The following FRY variants were observed in gnomAD, a reference collection of about 807,000 sequenced individuals.
FRY encodes the protein protein furry homolog.
Under a neutral mutation model 348.4 loss-of-function variants are expected in FRY, and 128 were observed. The ratio of observed to expected loss-of-function variants is 0.37; its 90% CI spans 0.32 to 0.43. The LOEUF is 0.43. Ranked by LOEUF, FRY falls within the 20% of genes least tolerant of loss-of-function variation. The pLI is 1.00. For missense variants in FRY, 2,736 were observed against 3,695.2 expected (o/e 0.74, Z 6.73); for synonymous variants, 1,370 against 1,374.7 (o/e 1.00, Z 0.08).
At position 32,129,794 on chromosome 13, in the gene FRY, C is replaced by G. The variant is rs115242918; in HGVS notation, c.717-1878C>G. Among the ~76,000 whole-genome samples, 775 of 152,222 alleles carry G rather than the reference C, an allele frequency of 5.1e-3. 3 individuals are homozygous for G. The highest frequency in any genetic ancestry group is 0.018 in the African/African-American group (731 of 41,530). On this transcript the variant is annotated intron_variant, in intron 7 of 60. Transcript: ENST00000542859. ...GAGGAAAATCCATAAGGCAGTTAAA[C>G]AAAGTATTATAAAATGGACACCATG...
At chr13:32,278,084 A>G (rs1284919670) in intron 57 of FRY, among the ~76,000 whole-genome samples, 1 of 152,246 alleles carries the variant, frequency 6.6e-6, no homozygotes, top group African/African-American at 2.4e-5. Context: ...AAGTCAGGTC[A>G]TGTTGACCAG....
At chr13:32,252,888 G>A (rs1347277124) in intron 50 of FRY, among the ~76,000 whole-genome samples, 6 of 151,982 alleles carry the variant, frequency 3.9e-5, no homozygotes, top group Non-Finnish European at 8.8e-5. Flanking sequence ...GGTTTTCTGC[G>A]GCTCCTGTGA....
intron 11 of FRY, among the ~76,000 whole-genome samples, chr13:32,141,699 G>C (rs180990434): frequency 6.6e-6 from 1 of 152,294 alleles, no homozygotes; most frequent in Admixed American, 6.5e-5. Flanking sequence ...ACCACTGATT[G>C]CATCACCAGC....
In FRY at chr13:32,227,751, G is replaced by T. The variant is rs911771386; in HGVS notation, c.5207-705G>T. On this transcript the variant is annotated intron_variant, in intron 39 of 60. Coordinates refer to ENST00000542859, the MANE Select transcript of FRY (RefSeq NM_023037.3). ...CTCAAACAGGGTATCATTTCACATG[G>T]TTTTTTTTTTTTTTTTTTGAGACAG... is the stretch of plus-strand genomic sequence containing the variant. Among the ~76,000 whole-genome samples the T allele has an allele frequency of 4.7e-4, 64 of 135,858 alleles. 1 individual carries two copies. The highest frequency in any genetic ancestry group is 8.3e-4 in the Non-Finnish European group (52 of 62,542). 89.1% of individuals were successfully genotyped at this position (135,858 alleles called of 152,430 possible). A position where few individuals can be genotyped will look rare whatever the true frequency, so the allele number is the denominator to read the frequency against.
chr13:32,064,865 C>A (rs1160402855), intron 1 of FRY, among the ~76,000 whole-genome samples: 1 of 152,156 alleles, frequency 6.6e-6, no homozygotes, highest in East Asian at 1.9e-4. Flanking sequence ...CACTCATAGT[C>A]TTTTGAAGCG....
rs910329437 is a variant in FRY at position 32,286,050 on chromosome 13, C to A, written c.8470-3583C>A. ...ACATAATATAATATGCATCAATGTG[C>A]CAACCCCACATGATAAGCAAGTGAT... is the stretch of plus-strand genomic sequence containing the variant. On this transcript the variant is annotated intron_variant, in intron 58 of 60. Transcript: ENST00000542859. 2.0e-5 allele frequency among the ~76,000 whole-genome samples: 3 copies of A among 152,142 alleles called. No homozygotes were observed. The South Asian group carries it at 6.2e-4, about 31-fold the overall frequency.
At chr13:32,218,676 T>TAAA (rs1885137724) in intron 35 of FRY, 73 bp from the exon 36 acceptor site, 4 of 571,564 alleles carry the variant, frequency 7.0e-6, no homozygotes, top group Admixed American at 2.6e-5. Flanking sequence ...AGACTCCAAC[T>TAAA]CAAAAAAAAA....
At chr13:32,171,375 G>T (rs1292174755) in intron 18 of FRY, 105 bp downstream of exon 18, 3 of 941,406 alleles carry the variant, frequency 3.2e-6, no homozygotes, top group Non-Finnish European at 3.1e-6. Flanking sequence ...GCAGTGGCGC[G>T]ATCTTGACTC....
At chr13:32,086,624 C>T (rs548677274) in intron 2 of FRY, among the ~76,000 whole-genome samples, 20 of 151,974 alleles carry the variant, frequency 1.3e-4, no homozygotes, top group Non-Finnish European at 4.4e-5. Context: ...AAAATGTCAT[C>T]GGGAAGAAGA....
rs1412424046 is a variant in FRY at position 32,218,974 on chromosome 13, CA to C, written c.4765+144del. The C allele has an allele frequency of 2.9e-5, 18 of 629,958 alleles. No homozygotes were observed. The Admixed American group carries it at 2.9e-4, about 10-fold the overall frequency. The allele number at this position is 629,958 out of a possible 1,614,324, so 39.0% of individuals were successfully genotyped here. A position where few individuals can be genotyped will look rare whatever the true frequency, so the allele number is the denominator to read the frequency against. On this transcript the variant is annotated intron_variant, in intron 36 of 60. Coordinates refer to ENST00000542859, the MANE Select transcript of FRY (RefSeq NM_023037.3). ...CATTTAATCCACCTATGCAGATGAG[CA>C]TAGAGTCAGCATCCTCAAAAGTTAA...
rs1385996546 is a variant in FRY, at chr13:32,209,475, CCTT to C, written c.4276-106_4276-104del. ...TTTCTGATAAATGGTCATGTTTACC[CCTT>C]CTTATGATTTTGAGACGGTCATGAC... On this transcript the variant is annotated intron_variant, in intron 32 of 60. Coordinates refer to ENST00000542859, the MANE Select transcript of FRY (RefSeq NM_023037.3). The C allele has an allele frequency of 9.0e-6, 9 of 997,842 alleles. 1 individual carries two copies. The South Asian group carries it at 1.2e-4, about 13-fold the overall frequency. 61.8% of individuals were successfully genotyped at this position (997,842 alleles called of 1,614,324 possible).
Position 32,231,273 on chromosome 13 carries a change from G to T in FRY, c.5500G>T (p.Val1834Leu). Residue 1834 changes from valine (V) to leucine (L), a missense_variant, in exon 41 of 61, where the codon GTA (valine) becomes TTA (leucine). Val to Leu is a conservative substitution (Grantham distance 32). Transcript: ENST00000542859. ...EQLTNFLRHV[V>L]SVFKDSKSGF... is the part of the protein sequence containing the mutation. ...GCTCACTAATTTTCTACGTCACGTT[G>T]TATCTGTATTTAAAGATTCCAAATC... The T allele has an allele frequency of 1.2e-6, 2 of 1,613,514 alleles. No homozygotes were observed. The highest frequency in any genetic ancestry group is 1.7e-6 in the Non-Finnish European group (2 of 1,179,506).
In FRY at chr13:32,054,328, G is replaced by C. The variant is rs1225846301; in HGVS notation, c.70+22463G>C. Reference sequence around the variant, plus strand: ...CTTTGTTGTTATTAATTGTATAAATGCTTTTTAGAATTTATGCATTTATCA... The same window carrying C: ...CTTTGTTGTTATTAATTGTATAAATCCTTTTTAGAATTTATGCATTTATCA... On this transcript the variant is annotated intron_variant, in intron 1 of 60. Transcript: ENST00000542859. Among the ~76,000 whole-genome samples the C allele has an allele frequency of 6.6e-5, 10 of 151,606 alleles. No individual in the cohort carries two copies. In the East Asian group the frequency reaches 1.9e-3, roughly 29 times the overall value.
At chr13:32,150,128 T>C (rs781042065) in intron 14 of FRY, among the ~76,000 whole-genome samples, 18 of 152,236 alleles carry the variant, frequency 1.2e-4, no homozygotes, top group Non-Finnish European at 1.8e-4. Context: ...GTTGTTTTAT[T>C]TTAGAAAAGT....
chr13:32,199,107 T>A (rs1252751955), intron 29 of FRY, among the ~76,000 whole-genome samples: 1 of 152,186 alleles, frequency 6.6e-6, no homozygotes, highest in Admixed American at 6.5e-5. Context: ...GGTCAACATC[T>A]ATGGAGAAAT....
chr13:32,044,237 C>G lies in FRY; in HGVS notation c.70+12372C>G, dbSNP rs552950794. ...AATGTTTTTCTGTTTTCAGATATTT[C>G]CATTTCATGTGGAAATAACAGTATT... On this transcript the variant is annotated intron_variant, in intron 1 of 60. Transcript: ENST00000542859. Among the ~76,000 whole-genome samples the G allele has an allele frequency of 1.2e-3, 182 of 152,238 alleles. 1 individual carries two copies. In the Middle Eastern group the frequency reaches 0.017, roughly 14 times the overall value.
At chr13:32,071,970 T>C (rs1370416328) in intron 1 of FRY, among the ~76,000 whole-genome samples, 1 of 152,114 alleles carries the variant, frequency 6.6e-6, no homozygotes, top group Non-Finnish European at 1.5e-5. Flanking sequence ...AAAGATAACG[T>C]CATCACATTC....
intron 56 of FRY, 68 bp downstream of exon 56, chr13:32,275,059 G>A: frequency 7.3e-7 from 1 of 1,363,562 alleles, no homozygotes; most frequent in East Asian, 2.3e-5. Context: ...CTTCAGGGTA[G>A]CATGTTTGCG....
Position 32,251,869 on chromosome 13 carries a change from C to T in FRY, c.7171-9C>T, listed in dbSNP as rs1297329679. ...CCATAATGAAACCTGCCTTGTGTTT[C>T]TTTTCCAGAAGAGAACAAAAGAGAA... On this transcript the variant is annotated splice_polypyrimidine_tract_variant and intron_variant, in intron 49 of 60. Transcript: ENST00000542859. The T allele has an allele frequency of 1.9e-6, 3 of 1,605,472 alleles. No homozygotes were observed. The highest frequency in any genetic ancestry group is 2.2e-5 in the South Asian group (2 of 90,872).
Sources: gnomAD v4.1 joint callset for allele counts (sites outside exome capture counted in the v4.1 genomes callset) on GRCh38, gnomAD v4.1.1 for gene constraint, MANE v1.5 for transcripts, NCBI Gene and HGNC (gene_info 2026-07-23, HGNC 2026-07-21) for gene names.